Variants in TCERG1L observed in about 807,000 individuals in gnomAD.
The protein encoded by TCERG1L is transcription elongation regulator 1 like.
In TCERG1L, 37 loss-of-function variants were observed where a neutral mutation model predicts 56.3. The ratio of observed to expected loss-of-function variants is 0.66; its 90% CI spans 0.51 to 0.87. The LOEUF (loss-of-function observed/expected upper bound fraction) is 0.87, where lower values mean the gene tolerates loss of function less well. Among genes scored for constraint, TCERG1L ranks in the 40% least tolerant of loss-of-function variants. TCERG1L has a pLI of 0.00. For missense variants in TCERG1L, 799 were observed against 774.2 expected, an observed-to-expected ratio of 1.03 and a Z score of -0.38; for synonymous variants, 324 against 326.3, an observed-to-expected ratio of 0.99 and a Z score of 0.08.
chr10:131,208,471 G>C (rs1053337624), intron 4 of TCERG1L, among the ~76,000 whole-genome samples: 67 of 152,322 alleles, frequency 4.4e-4, no homozygotes, highest in African/African-American at 1.4e-3. Flanking sequence ...CGGTTCACAG[G>C]CTGCTTCCAC....
At chr10:131,160,275 C>A (rs1179361223) in intron 6 of TCERG1L, among the ~76,000 whole-genome samples, 1 of 152,224 alleles carries the variant, frequency 6.6e-6, no homozygotes, top group African/African-American at 2.4e-5. Flanking sequence ...ATCCACACTG[C>A]ACCTCTGCCT....
rs1326797422 is a variant in TCERG1L at position 131,311,577 on chromosome 10, C to A, written c.59G>T (p.Arg20Leu). 1.6e-5 allele frequency: 18 copies of A among 1,139,624 alleles called. No homozygotes were observed. The highest frequency in any genetic ancestry group is 1.7e-5 in the African/African-American group (1 of 60,160). 70.6% of individuals were successfully genotyped at this position (1,139,624 alleles called of 1,614,324 possible). Residue 20 changes from arginine (R) to leucine (L), a missense_variant, in exon 1 of 12, where the codon CGG becomes CTG. Physicochemically the swap from Arg to Leu is moderately radical, Grantham distance 102. Coordinates refer to ENST00000368642, the MANE Select transcript of TCERG1L (RefSeq NM_174937.4). The surrounding 1 kb of genome is among the most constrained non-coding windows in gnomAD (Gnocchi z 4.0). The part of the protein sequence containing the change: ...RRRQLQQQQP[R>L]RRQPLLWPMD... ...CGGCCAGAGGAGAGGCTGCCGCCGC[C>A]GGGGCTGCTGCTGCTGCAGCTGCCG...
At chr10:131,289,367 TAA>T (rs920925074) in intron 3 of TCERG1L, among the ~76,000 whole-genome samples, 2 of 152,074 alleles carry the variant, frequency 1.3e-5, no homozygotes, top group Non-Finnish European at 2.9e-5. Flanking sequence ...ATACGAAAAA[TAA>T]AAGATACGAT....
intron 11 of TCERG1L, chr10:131,095,197 G>A (rs945247282): frequency 3.3e-4 from 50 of 152,502 alleles, no homozygotes; most frequent in Admixed American, 2.2e-3. Context: ...CAACCCCACC[G>A]GGTGTCAACC....
At chr10:131,219,958 G>A (rs187735802) in intron 4 of TCERG1L, among the ~76,000 whole-genome samples, 9 of 152,252 alleles carry the variant, frequency 5.9e-5, no homozygotes, top group Middle Eastern at 3.4e-3. Context: ...ACCAAAGCGC[G>A]TAGAACAGAG....
At chr10:131,181,493 T>C (rs570583992) in intron 4 of TCERG1L, among the ~76,000 whole-genome samples, 8 of 152,354 alleles carry the variant, frequency 5.3e-5, no homozygotes, top group Non-Finnish European at 8.8e-5. Context: ...AGTAATACCA[T>C]ATGGAAGATT....
intron 1 of TCERG1L, among the ~76,000 whole-genome samples, chr10:131,310,776 C>A (rs573239419): frequency 6.6e-6 from 1 of 152,192 alleles, no homozygotes; most frequent in Non-Finnish European, 1.5e-5. Context: ...CGGCCACTTC[C>A]GTCGGTTGGA....
At chr10:131,175,408 C>T (rs1320496755) in intron 4 of TCERG1L, among the ~76,000 whole-genome samples, 2 of 152,202 alleles carry the variant, frequency 1.3e-5, no homozygotes, top group African/African-American at 4.8e-5. Context: ...AATGCTCTGT[C>T]CCTCCAAGAG....
intron 3 of TCERG1L, among the ~76,000 whole-genome samples, chr10:131,265,283 G>C (rs1310641655): frequency 6.6e-6 from 1 of 152,156 alleles, no homozygotes; most frequent in African/African-American, 2.4e-5. Flanking sequence ...TTTCTTATCT[G>C]TCTCTTTAAG....
intron 8 of TCERG1L, among the ~76,000 whole-genome samples, chr10:131,128,585 C>T (rs757310630): frequency 8.6e-5 from 13 of 151,978 alleles, no homozygotes; most frequent in Non-Finnish European, 8.8e-5. Context: ...ACTGGGGAAC[C>T]GATGCAGTAT....
At chr10:131,212,019 T>A (rs999603755) in intron 4 of TCERG1L, among the ~76,000 whole-genome samples, 4 of 152,210 alleles carry the variant, frequency 2.6e-5, no homozygotes, top group Non-Finnish European at 5.9e-5. Flanking sequence ...AATGATAAGA[T>A]TGGGGTGATT....
chr10:131,137,018 T>C (rs757548617), intron 7 of TCERG1L, among the ~76,000 whole-genome samples: 1 of 151,894 alleles, frequency 6.6e-6, no homozygotes, highest in East Asian at 2.0e-4. Context: ...CAGGTGCCTA[T>C]AATCCCAGCT....
chr10:131,277,070 C>T (rs773088684), intron 3 of TCERG1L, among the ~76,000 whole-genome samples: 11 of 152,222 alleles, frequency 7.2e-5, no homozygotes, highest in Middle Eastern at 6.8e-3. Context: ...CTAAGCGAGA[C>T]GAGAGTTTGA....
intron 4 of TCERG1L, among the ~76,000 whole-genome samples, chr10:131,242,501 T>C (rs1379070492): frequency 1.3e-5 from 2 of 152,158 alleles, no homozygotes; most frequent in African/African-American, 2.4e-5. Flanking sequence ...TTCACTCTGA[T>C]ACTAAATCAC....
rs150979119 is a variant in TCERG1L, at chr10:131,184,145, G to A, written c.857-17260C>T. Among the ~76,000 whole-genome samples, 621 of 152,324 alleles carry A rather than the reference G, an allele frequency of 4.1e-3. 5 individuals are homozygous for A. The highest frequency in any genetic ancestry group is 0.014 in the African/African-American group (598 of 41,574). ...GCACTCCAACACCCCCTTGCCTTGC[G>A]AAGCCCACACTTGGAGTGTGCACTA... On this transcript the variant is annotated intron_variant, in intron 4 of 11. Coordinates refer to ENST00000368642, the MANE Select transcript of TCERG1L (RefSeq NM_174937.4).
intron 6 of TCERG1L, among the ~76,000 whole-genome samples, chr10:131,159,370 A>G (rs1305841333): frequency 6.6e-6 from 1 of 152,078 alleles, no homozygotes; most frequent in Non-Finnish European, 1.5e-5. Flanking sequence ...CCCCTCCCCA[A>G]TGCCTCCTTA....
chr10:131,223,258 C>CG (rs1845754693), intron 4 of TCERG1L, among the ~76,000 whole-genome samples: 1 of 152,172 alleles, frequency 6.6e-6, no homozygotes, highest in South Asian at 2.1e-4. Flanking sequence ...CCTCGGCCCC[C>CG]GGGGCAAACG....
At chr10:131,149,741 C>T (rs1430603064) in intron 6 of TCERG1L, among the ~76,000 whole-genome samples, 4 of 152,218 alleles carry the variant, frequency 2.6e-5, no homozygotes, top group African/African-American at 9.6e-5. Context: ...CGACATTGGG[C>T]TCTGTCTCCA....
intron 4 of TCERG1L, among the ~76,000 whole-genome samples, chr10:131,252,340 T>C (rs997352945): frequency 6.6e-6 from 1 of 152,134 alleles, no homozygotes; most frequent in Non-Finnish European, 1.5e-5. Context: ...GAAGCACCAA[T>C]GTTGCTTTAG....
Sources: allele counts gnomAD v4.1 joint callset (sites outside exome capture counted in the v4.1 genomes callset), GRCh38; gene constraint gnomAD v4.1.1; non-coding constraint Gnocchi (gnomAD v3.1); transcripts MANE v1.5; gene names NCBI Gene and HGNC (gene_info 2026-07-23, HGNC 2026-07-21).